Variants in KIAA0753 observed in about 807,000 individuals in gnomAD.
KIAA0753 encodes protein moonraker.
KIAA0753 carries 114 observed loss-of-function variants against 116.9 expected under a neutral mutation model. The ratio of observed to expected loss-of-function variants is 0.98; its 90% CI spans 0.84 to 1.14. KIAA0753 has a LOEUF of 1.14. Among genes scored for constraint, KIAA0753 ranks in the 50% most tolerant of loss-of-function variants. KIAA0753 has a pLI of 0.00. For synonymous variants in KIAA0753, 405 were observed against 413.1 expected (o/e 0.98, Z 0.24); for missense variants, 1,156 against 1,172.4 (o/e 0.99, Z 0.20).
chr17:6,605,858 A>G (rs1328013025), intron 12 of KIAA0753, among the ~76,000 whole-genome samples: 1 of 152,236 alleles, frequency 6.6e-6, no homozygotes, highest in Non-Finnish European at 1.5e-5. Context: ...ATGTTCTTCT[A>G]TATGTGTGAT....
rs116164407 is a variant in KIAA0753 at position 6,613,588 on chromosome 17, G to A, written c.1316-1440C>T. On this transcript the variant is annotated intron_variant, in intron 7 of 18. Coordinates refer to ENST00000361413, the MANE Select transcript of KIAA0753 (RefSeq NM_014804.3). ...GATGCAAACACAGGCAGAAATCAGC[G>A]AGACATCATGGACGTGACAAAGGCA... 3.1e-3 allele frequency among the ~76,000 whole-genome samples: 466 copies of A among 152,184 alleles called. 5 individuals are homozygous for A. Among genetic ancestry groups the A allele is most frequent in the African/African-American group, 0.011 (451 of 41,508 alleles).
intron 18 of KIAA0753, 38 bp from the exon 19 acceptor site, chr17:6,579,902 G>T: frequency 6.6e-7 from 1 of 1,505,202 alleles, no homozygotes; most frequent in Non-Finnish European, 9.2e-7. Context: ...TATGTACAAG[G>T]CCAGGCGCGG....
chr17:6,604,937 G>A (rs1567555893), intron 12 of KIAA0753, among the ~76,000 whole-genome samples: 1 of 152,032 alleles, frequency 6.6e-6, no homozygotes, highest in Admixed American at 6.5e-5. Flanking sequence ...TGAAAGGTCT[G>A]AAAGGATTTA....
intron 6 of KIAA0753, 57 bp from the exon 7 acceptor site, chr17:6,621,055 A>C: frequency 6.5e-7 from 1 of 1,534,484 alleles, no homozygotes; most frequent in Non-Finnish European, 8.9e-7. Flanking sequence ...TATGACTTTT[A>C]ATCACAAAAC....
chr17:6,593,654 G>A (rs1969252797), intron 16 of KIAA0753, among the ~76,000 whole-genome samples: 3 of 152,372 alleles, frequency 2.0e-5, no homozygotes, highest in Middle Eastern at 6.8e-3. Context: ...GTGGGAGGCC[G>A]AGGTGGGTGT....
rs71157206 is a variant in KIAA0753 at position 6,610,516 on chromosome 17, CTTTTTTTTTTT to C, written c.1546-367_1546-357del. On this transcript the variant is annotated intron_variant, in intron 8 of 18. Coordinates refer to ENST00000361413, the MANE Select transcript of KIAA0753 (RefSeq NM_014804.3). ...TATTTTTCTTTTTTCTTTTCTTTCT[CTTTTTTTTTTT>C]TTTTTTTTTAAGAGACAGGGTCTTG... Among the ~76,000 whole-genome samples, 5 of 113,460 alleles carry C rather than the reference CTTTTTTTTTTT, an allele frequency of 4.4e-5. No individual in the cohort carries two copies. The East Asian group carries it at 7.5e-4, about 17-fold the overall frequency. The allele number at this position is 113,460 out of a possible 152,430, so 74.4% of individuals were successfully genotyped here.
chr17:6,606,597 C>T (rs1970207902), intron 12 of KIAA0753, among the ~76,000 whole-genome samples: 1 of 152,166 alleles, frequency 6.6e-6, no homozygotes, highest in South Asian at 2.1e-4. Flanking sequence ...GAGAAAAGTA[C>T]CTTTGAGGGT....
intron 12 of KIAA0753, among the ~76,000 whole-genome samples, chr17:6,604,247 C>CTTT (rs34562582): frequency 4.0e-5 from 6 of 148,218 alleles, no homozygotes; most frequent in African/African-American, 1.5e-4. Flanking sequence ...CTCAGATGTT[C>CTTT]TTTTTTTTTT....
intron 6 of KIAA0753, 131 bp downstream of exon 6, chr17:6,622,751 T>C (rs1971410571): frequency 2.7e-6 from 2 of 746,048 alleles, no homozygotes; most frequent in South Asian, 1.8e-5. Context: ...GTGTTTCTTC[T>C]GCCCTCTGCA....
At position 6,628,437 on chromosome 17, in the gene KIAA0753, C is replaced by G. The variant is rs1472523170; in HGVS notation, c.398G>C (p.Gly133Ala). 2 of 1,614,022 alleles carry G rather than the reference C, an allele frequency of 1.2e-6. No individual in the cohort carries two copies. Among genetic ancestry groups the G allele is most frequent in the Non-Finnish European group, 1.7e-6 (2 of 1,180,020 alleles). ...RSQPQSSQKC[G>A]HTKYKIPDHR... Reference sequence around the variant, plus strand: ...GTCGGGTATTTTATACTTAGTATGTCCACACTTCTGAGAGCTTTGAGGCTG... The same window carrying G: ...GTCGGGTATTTTATACTTAGTATGTGCACACTTCTGAGAGCTTTGAGGCTG... The change falls in exon 3 of 19, where the codon GGA becomes GCA. Residue 133 changes from glycine (G) to alanine (A), a missense_variant. Transcript: ENST00000361413.
In KIAA0753 at chr17:6,612,091, T is replaced by A. The variant is rs1405354924; in HGVS notation, c.1373A>T (p.Asp458Val). ...PETQRLQSEL[D>V]VLDADIVLEE... ...CAGAACTATATCCGCATCTAATACA[T>A]CAAGCTCACTCTGCAACCTCTGGGT... The change falls in exon 8 of 19, where the codon GAT becomes GTT. Residue 458 changes from aspartate to valine, a missense_variant. Transcript: ENST00000361413. 3.7e-6 allele frequency: 6 copies of A among 1,614,070 alleles called. No individual in the cohort carries two copies. The Admixed American group carries it at 8.3e-5, about 22-fold the overall frequency.
intron 18 of KIAA0753, among the ~76,000 whole-genome samples, chr17:6,588,789 T>A (rs1968771902): frequency 6.6e-6 from 1 of 152,200 alleles, no homozygotes. Context: ...TACACCTATC[T>A]TTTAATTATT....
chr17:6,602,601 G>A (rs1433528716), intron 12 of KIAA0753, among the ~76,000 whole-genome samples: 2 of 152,210 alleles, frequency 1.3e-5, no homozygotes, highest in African/African-American at 4.8e-5. Flanking sequence ...AACTGCCTCC[G>A]TGAGGGATGG....
chr17:6,636,106 T>C (rs1198277371), intron 1 of KIAA0753: 1 of 152,202 alleles, frequency 6.6e-6, no homozygotes, highest in Non-Finnish European at 1.5e-5. Context: ...AGTAAATCAA[T>C]TGGGAAATTC....
chr17:6,610,240 C>G (rs1002872183), intron 8 of KIAA0753, 80 bp from the exon 9 acceptor site: 1 of 1,409,146 alleles, frequency 7.1e-7, no homozygotes, highest in Admixed American at 1.9e-5. Context: ...ACTGAAGCTC[C>G]AAGTTCTCCA....
intron 14 of KIAA0753, among the ~76,000 whole-genome samples, chr17:6,597,116 C>T (rs1014100724): frequency 2.6e-4 from 39 of 152,300 alleles, no homozygotes; most frequent in African/African-American, 9.1e-4. Context: ...TCTTGTATTT[C>T]AGAGCTGTAG....
chr17:6,605,536 G>A (rs1034915890), intron 12 of KIAA0753, among the ~76,000 whole-genome samples: 5 of 152,218 alleles, frequency 3.3e-5, no homozygotes, highest in African/African-American at 1.2e-4. Context: ...TCCCCTAGGA[G>A]TCTTCATCTG....
At chr17:6,589,754 CA>C in intron 18 of KIAA0753, 24 bp downstream of exon 18, 2 of 1,569,754 alleles carry the variant, frequency 1.3e-6, no homozygotes, top group South Asian at 2.3e-5. Flanking sequence ...GGTTCCTAAA[CA>C]GAGGACCGTA....
intron 6 of KIAA0753, 80 bp downstream of exon 6, chr17:6,622,802 C>T (rs1971414444): frequency 3.3e-6 from 4 of 1,213,466 alleles, no homozygotes; most frequent in Non-Finnish European, 1.2e-6. Flanking sequence ...CTTGTATTCT[C>T]CATAAATCCT....
Sources: gnomAD v4.1 joint callset for allele counts (sites outside exome capture counted in the v4.1 genomes callset) on GRCh38, gnomAD v4.1.1 for gene constraint, MANE v1.5 for transcripts, NCBI Gene and HGNC (gene_info 2026-07-23, HGNC 2026-07-21) for gene names.